The following WRN variants were observed in gnomAD, a reference collection of about 807,000 sequenced individuals.
The protein encoded by WRN is WRN RecQ like helicase.
In WRN, 149 loss-of-function variants were observed where a neutral mutation model predicts 180.7. The observed-to-expected ratio is 0.82, with a 90% CI of 0.72 to 0.94. WRN has a LOEUF of 0.94. Ranked by LOEUF, WRN falls within the 40% of genes least tolerant of loss-of-function variation. The pLI is 0.00. For missense variants in WRN, 1,661 were observed against 1,700.1 expected (o/e 0.98, Z 0.40); for synonymous variants, 548 against 568.9 (o/e 0.96, Z 0.52).
In WRN at chr8:31,174,153, T is replaced by G. The variant is rs948998329; in HGVS notation, c.*1051T>G. 6.6e-6 allele frequency among the ~76,000 whole-genome samples: 1 copy of G among 152,250 alleles called. No homozygotes were observed. The highest frequency in any genetic ancestry group is 1.5e-5 in the Non-Finnish European group (1 of 68,048). ...TGTTTTTAGTTAAAATATAAAAGTC[T>G]CGTATATTCCCATTTTTCTGCATTG... On this transcript the variant is annotated 3_prime_UTR_variant, in exon 35 of 35. Transcript: ENST00000298139.
chr8:31,147,157 T>C, intron 29 of WRN, 29 bp downstream of exon 29: 7 of 1,600,602 alleles, frequency 4.4e-6, no homozygotes, highest in Non-Finnish European at 6.0e-6. Flanking sequence ...GGTAATTAGT[T>C]TATGATAGGA....
At chr8:31,036,782 T>G (rs922494015) in intron 1 of WRN, among the ~76,000 whole-genome samples, 1 of 152,254 alleles carries the variant, frequency 6.6e-6, no homozygotes, top group Admixed American at 6.5e-5. Flanking sequence ...ATGTATAGTT[T>G]GCAAATATTT....
In WRN at chr8:31,150,454, A is replaced by C. The variant is rs369158322; in HGVS notation, c.3686A>C (p.Gln1229Pro). The change falls in exon 31 of 35, where the codon CAG becomes CCG. Residue 1229 changes from glutamine (Q) to proline (P), a missense_variant and splice_region_variant. By Grantham distance (76) the Gln-to-Pro change is moderately conservative (BLOSUM62 -1). Coordinates refer to ENST00000298139, the MANE Select transcript of WRN (RefSeq NM_000553.6). ...CATTTCTGCCAAACAAATAGTGTTC[A>C]GGTAAAATACTGTGGTTTGCAGGAG... is the stretch of plus-strand genomic sequence containing the variant. ...IKHFCQTNSV[Q>P]TDLFSSTKPQ... 3 of 1,613,878 alleles carry C rather than the reference A, an allele frequency of 1.9e-6. No homozygotes were observed. In the African/African-American group the frequency reaches 4.0e-5, roughly 22 times the overall value.
intron 1 of WRN, among the ~76,000 whole-genome samples, chr8:31,040,989 A>G (rs1811632474): frequency 6.6e-6 from 1 of 152,180 alleles, no homozygotes; most frequent in Non-Finnish European, 1.5e-5. Flanking sequence ...AGGTTTGCAC[A>G]CATGGAGAGG....
chr8:31,130,015 C>CAAA lies in WRN; in HGVS notation c.2826-2348_2826-2346dup, dbSNP rs140033395. On this transcript the variant is annotated intron_variant, in intron 23 of 34. Coordinates refer to ENST00000298139, the MANE Select transcript of WRN (RefSeq NM_000553.6). ...CGACACTCTTGTCTCAAAAAAAAAA[C>CAAA]AAAACAAAACAAAAAAAAAAACTAG... Among the ~76,000 whole-genome samples the CAAA allele has an allele frequency of 1.4e-3, 182 of 128,660 alleles. 14 individuals carry two copies. In the South Asian group the frequency reaches 0.022, roughly 15 times the overall value. The allele number at this position is 128,660 out of a possible 152,430, so 84.4% of individuals were successfully genotyped here.
At chr8:31,073,001 A>T (rs1399323882) in intron 7 of WRN, among the ~76,000 whole-genome samples, 1 of 152,178 alleles carries the variant, frequency 6.6e-6, no homozygotes, top group Non-Finnish European at 1.5e-5. Flanking sequence ...GAGGCTAGAA[A>T]AGGAGCTTGG....
intron 12 of WRN, 127 bp from the exon 13 acceptor site, chr8:31,088,763 T>C (rs1176442767): frequency 7.6e-6 from 6 of 786,312 alleles, no homozygotes; most frequent in Admixed American, 2.1e-5. Context: ...AATTAAAAAA[T>C]AGAAAACATT....
chr8:31,051,954 A>T (rs930355219), intron 1 of WRN, among the ~76,000 whole-genome samples: 1 of 152,248 alleles, frequency 6.6e-6, no homozygotes, highest in African/African-American at 2.4e-5. Context: ...ATATTTTATG[A>T]AATTTAAATA....
chr8:31,048,669 G>A (rs540086421), intron 1 of WRN, among the ~76,000 whole-genome samples: 9 of 152,168 alleles, frequency 5.9e-5, no homozygotes, highest in African/African-American at 1.4e-4. Context: ...AGTTTATTGC[G>A]CTTTCTGTTA....
intron 1 of WRN, among the ~76,000 whole-genome samples, chr8:31,054,151 G>T (rs58550057): frequency 0.012 from 1,886 of 152,158 alleles, 37 homozygotes; most frequent in African/African-American, 0.042. Flanking sequence ...TCTTGGTCAG[G>T]AGTAGAGTGT....
chr8:31,035,186 A>G (rs1434106019), intron 1 of WRN, among the ~76,000 whole-genome samples: 2 of 152,164 alleles, frequency 1.3e-5, no homozygotes, highest in Admixed American at 6.5e-5. Context: ...TGGAGCTTAC[A>G]TTTTAGTGGA....
At chr8:31,160,022 GA>G (rs1331053233) in intron 33 of WRN, among the ~76,000 whole-genome samples, 1 of 150,280 alleles carries the variant, frequency 6.7e-6, no homozygotes, top group Non-Finnish European at 1.5e-5. Flanking sequence ...CTCAAGATTG[GA>G]AAAATCTTTA....
intron 24 of WRN, among the ~76,000 whole-genome samples, chr8:31,139,571 T>G (rs1223628370): frequency 6.6e-6 from 1 of 152,118 alleles, no homozygotes; most frequent in South Asian, 2.1e-4. Flanking sequence ...CTACATTGAG[T>G]AGGAAGCTGT....
chr8:31,154,850 A>G (rs1803316801), intron 32 of WRN, 95 bp downstream of exon 32: 9 of 1,448,834 alleles, frequency 6.2e-6, no homozygotes, highest in African/African-American at 2.8e-5. Flanking sequence ...CTTGGGATCA[A>G]TTTCCTCCAA....
chr8:31,141,994 AG>A (rs1802657087), intron 26 of WRN, among the ~76,000 whole-genome samples: 1 of 151,866 alleles, frequency 6.6e-6, no homozygotes, highest in African/African-American at 2.4e-5. Flanking sequence ...GTGTTGCTCA[AG>A]CTGGAGTGCA....
intron 16 of WRN, among the ~76,000 whole-genome samples, chr8:31,093,906 A>ATT (rs1563346896): frequency 6.6e-6 from 1 of 152,126 alleles, no homozygotes; most frequent in Admixed American, 6.5e-5. Flanking sequence ...TTATTTTGAG[A>ATT]TTCATTCATG....
At chr8:31,055,102 C>G (rs1812218937) in intron 1 of WRN, among the ~76,000 whole-genome samples, 1 of 152,090 alleles carries the variant, frequency 6.6e-6, no homozygotes. Context: ...ACCACATTTT[C>G]TTTATCTAGT....
intron 21 of WRN, 24 bp downstream of exon 21, chr8:31,120,448 C>G (rs1801683052): frequency 6.3e-7 from 1 of 1,598,268 alleles, no homozygotes. Context: ...ATTGTTTTTA[C>G]TCTTGCAGAT....
intron 1 of WRN, among the ~76,000 whole-genome samples, chr8:31,044,194 G>A (rs1344739447): frequency 6.0e-5 from 9 of 149,320 alleles, no homozygotes; most frequent in Middle Eastern, 3.7e-3. Flanking sequence ...GGTGCACGCC[G>A]CCACACCCGG....
Sources: allele counts gnomAD v4.1 joint callset (sites outside exome capture counted in the v4.1 genomes callset), GRCh38; gene constraint gnomAD v4.1.1; transcripts MANE v1.5; gene names NCBI Gene and HGNC (gene_info 2026-07-23, HGNC 2026-07-21).